The following TNIK variants were observed in gnomAD, a reference collection of about 807,000 sequenced individuals.
The protein encoded by TNIK is TRAF2 and NCK interacting kinase, also known as TRAF2 and NCK-interacting protein kinase.
Under a neutral mutation model 191.3 loss-of-function variants are expected in TNIK, and 49 were observed. The observed-to-expected ratio is 0.26, with a 90% confidence interval of 0.20 to 0.32. TNIK has a LOEUF of 0.32. Ranked by LOEUF, TNIK falls within the 10% of genes least tolerant of loss-of-function variation. The pLI is 1.00. For missense variants in TNIK, 1,155 were observed against 1,702.3 expected (o/e 0.68, Z 5.66); for synonymous variants, 594 against 600.9 (o/e 0.99, Z 0.17).
At chr3:171,382,407 G>C (rs1257471123) in intron 1 of TNIK, among the ~76,000 whole-genome samples, 1 of 152,156 alleles carries the variant, frequency 6.6e-6, no homozygotes, top group South Asian at 2.1e-4. Flanking sequence ...TTTTAGGAGA[G>C]ACAGGGTTTC....
rs536486656 is a variant in TNIK at position 171,061,196 on chromosome 3, AT to A, written c.*2684del. 4 of 152,104 alleles carry A rather than the reference AT, an allele frequency of 2.6e-5. No individual in the cohort carries two copies. Among genetic ancestry groups the A allele is most frequent in the Non-Finnish European group, 4.4e-5 (3 of 68,010 alleles). 9.4% of individuals were successfully genotyped at this position (152,104 alleles called of 1,614,324 possible). A position where few individuals can be genotyped will look rare whatever the true frequency, so the allele number is the denominator to read the frequency against. Reference sequence around the variant, plus strand: ...CTGGGGTCTGTCTTGCTGGAGGAAAATTTATTTTTGAAGATAAAAGCTTCAG... The same window carrying A: ...CTGGGGTCTGTCTTGCTGGAGGAAAATTATTTTTGAAGATAAAAGCTTCAG... On this transcript the variant is annotated 3_prime_UTR_variant, in exon 33 of 33. Transcript: ENST00000436636.
chr3:171,158,693 T>A (rs994479839), intron 11 of TNIK, among the ~76,000 whole-genome samples: 1 of 152,232 alleles, frequency 6.6e-6, no homozygotes, highest in South Asian at 2.1e-4. Context: ...TTTAAAGTTA[T>A]CTTCTTATGG....
intron 1 of TNIK, among the ~76,000 whole-genome samples, chr3:171,377,885 G>A (rs1472341246): frequency 6.6e-6 from 1 of 152,218 alleles, no homozygotes; most frequent in East Asian, 1.9e-4. Flanking sequence ...TTGGTTCATA[G>A]TAGAGCCAGG....
chr3:171,168,172 G>A (rs188937809), intron 9 of TNIK, among the ~76,000 whole-genome samples: 6 of 152,294 alleles, frequency 3.9e-5, no homozygotes, highest in East Asian at 1.9e-4. Context: ...AGTTAAGCAC[G>A]CATGTTCTTG....
chr3:171,398,311 G>T (rs1038318172), intron 1 of TNIK, among the ~76,000 whole-genome samples: 1 of 152,180 alleles, frequency 6.6e-6, no homozygotes, highest in Non-Finnish European at 1.5e-5. Context: ...TGTGAAACAG[G>T]TCAGTATACA....
intron 2 of TNIK, among the ~76,000 whole-genome samples, chr3:171,367,160 A>T (rs922298049): frequency 6.6e-6 from 1 of 152,226 alleles, no homozygotes; most frequent in African/African-American, 2.4e-5. Flanking sequence ...TAACATTTCT[A>T]TTTATACCTA....
intron 1 of TNIK, among the ~76,000 whole-genome samples, chr3:171,377,467 C>T (rs1294511331): frequency 6.6e-6 from 1 of 152,244 alleles, no homozygotes; most frequent in Admixed American, 6.5e-5. Context: ...AACATCACTC[C>T]TCGGATTAAT....
Position 171,066,224 on chromosome 3 carries a change from G to A in TNIK, c.3962C>T (p.Ala1321Val), listed in dbSNP as rs2077174253. Residue 1321 changes from alanine (A) to valine (V), a missense_variant, in exon 32 of 33, where the codon GCT becomes GTT. Transcript: ENST00000436636. ...TTCACATAGAAACTTTAACCTTTGA[G>A]CTCGCTTATGCATAAATACTCCATC... The part of the protein sequence containing the change: ...HLDGVFMHKR[A>V]QRLKFLCERN... The A allele has an allele frequency of 6.2e-7, 1 of 1,613,724 alleles. No homozygotes were observed.
chr3:171,141,910 G>T (rs778376438), intron 12 of TNIK, among the ~76,000 whole-genome samples: 5 of 151,854 alleles, frequency 3.3e-5, no homozygotes, highest in Non-Finnish European at 7.4e-5. Flanking sequence ...AATTGTGACT[G>T]TCTCACACTG....
intron 1 of TNIK, among the ~76,000 whole-genome samples, chr3:171,399,984 C>T (rs1412507627): frequency 6.6e-6 from 1 of 152,110 alleles, no homozygotes; most frequent in Non-Finnish European, 1.5e-5. Context: ...CAGCTGTCCA[C>T]CAATGTTCTG....
intron 1 of TNIK, among the ~76,000 whole-genome samples, chr3:171,459,217 C>T (rs1729127165): frequency 7.0e-6 from 1 of 143,370 alleles, no homozygotes; most frequent in East Asian, 2.2e-4. Flanking sequence ...ACGGGGAAAA[C>T]ACACACAGAC....
At chr3:171,087,271 G>C in intron 24 of TNIK, 71 bp downstream of exon 24, 1 of 1,590,350 alleles carries the variant, frequency 6.3e-7, no homozygotes, top group South Asian at 1.1e-5. Context: ...CCTCATTCTT[G>C]AAGAGATCAT....
At chr3:171,146,915 T>C (rs956498524) in intron 12 of TNIK, among the ~76,000 whole-genome samples, 1 of 140,846 alleles carries the variant, frequency 7.1e-6, no homozygotes, top group Non-Finnish European at 1.5e-5. Context: ...AAAAAAAAAG[T>C]GACGAATGAG....
intron 1 of TNIK, among the ~76,000 whole-genome samples, chr3:171,445,667 G>A (rs571062622): frequency 7.2e-5 from 11 of 152,260 alleles, no homozygotes; most frequent in Admixed American, 2.0e-4. Flanking sequence ...CAGGGTATAC[G>A]TGCGAGGGGA....
intron 21 of TNIK, chr3:171,102,165 A>G (rs1348569584): frequency 6.6e-6 from 1 of 152,164 alleles, no homozygotes; most frequent in Admixed American, 6.6e-5. Context: ...TCCCTGGAGA[A>G]TGGAGGTACC....
In TNIK at chr3:171,408,607, C is replaced by G. The variant is rs115537011; in HGVS notation, c.58-38922G>C. Among the ~76,000 whole-genome samples, 881 of 152,318 alleles carry G rather than the reference C, an allele frequency of 5.8e-3. 5 individuals are homozygous for G. Among genetic ancestry groups the G allele is most frequent in the Admixed American group, 9.4e-3 (144 of 15,306 alleles). ...GCCATGTCACTTAATCCTCCTGAGC[C>G]TCAATTCCCTCAATGGTGAGATAAG... On this transcript the variant is annotated intron_variant, in intron 1 of 32. Transcript: ENST00000436636.
chr3:171,129,015 C>T (rs925625095), intron 15 of TNIK, 137 bp from the exon 16 acceptor site: 4 of 1,340,260 alleles, frequency 3.0e-6, no homozygotes, highest in Non-Finnish European at 3.9e-6. Context: ...AGACAAAACT[C>T]TGTGCTGCAT....
At chr3:171,205,216 C>T (rs1437841915) in intron 4 of TNIK, among the ~76,000 whole-genome samples, 1 of 152,196 alleles carries the variant, frequency 6.6e-6, no homozygotes, top group Non-Finnish European at 1.5e-5. Flanking sequence ...TATTATGTTT[C>T]TGTCTTTCTT....
At chr3:171,091,902 A>G (rs1722115877) in intron 23 of TNIK, among the ~76,000 whole-genome samples, 1 of 151,960 alleles carries the variant, frequency 6.6e-6, no homozygotes, top group South Asian at 2.1e-4. Flanking sequence ...TCCTTAATAG[A>G]TCAAATTCCT....
Sources: gnomAD v4.1 joint callset for allele counts (sites outside exome capture counted in the v4.1 genomes callset) on GRCh38, gnomAD v4.1.1 for gene constraint, MANE v1.5 for transcripts, NCBI Gene and HGNC (gene_info 2026-07-23, HGNC 2026-07-21) for gene names.